CNIH4: variants seen among roughly 807,000 people sequenced by gnomAD.
CNIH4 encodes cornichon family member 4.
CNIH4 carries 9 observed loss-of-function variants against 21.5 expected under a neutral mutation model. The ratio of observed to expected loss-of-function variants is 0.42; its 90% confidence interval spans 0.25 to 0.73. The LOEUF (loss-of-function observed/expected upper bound fraction) is 0.73. Among genes scored for constraint, CNIH4 ranks in the 30% least tolerant of loss-of-function variants. CNIH4 has a pLI of 0.27. For missense variants in CNIH4, 159 were observed against 170.0 expected (o/e 0.94, Z 0.36); for synonymous variants, 67 against 59.1 (o/e 1.13, Z -0.61).
chr1:224,363,785 A>G lies in CNIH4; in HGVS notation c.139-2094A>G, dbSNP rs143958667. 3.3e-4 allele frequency among the ~76,000 whole-genome samples: 51 copies of G among 152,316 alleles called. No homozygotes were observed. In the East Asian group the frequency reaches 5.8e-3, roughly 17 times the overall value. On this transcript the variant is annotated intron_variant, in intron 2 of 4. Coordinates refer to ENST00000465271, the MANE Select transcript of CNIH4 (RefSeq NM_014184.4). ...TATTCATATTTAAGGGTAAAGCACTAAAATGCTCATTGAAAGCTCTTTGGA... is the reference window on the plus strand; with the variant it reads ...TATTCATATTTAAGGGTAAAGCACTGAAATGCTCATTGAAAGCTCTTTGGA...
At chr1:224,364,235 CAA>C (rs35870517) in intron 2 of CNIH4, 752,054 of 984,082 alleles carry the variant, frequency 0.76, 291,853 homozygotes, top group East Asian at 0.99. Context: ...AAAAATAAAA[CAA>C]GAGGAAAAAA....
chr1:224,360,272 G>A (rs1400216909), intron 1 of CNIH4, among the ~76,000 whole-genome samples: 3 of 151,550 alleles, frequency 2.0e-5, no homozygotes, highest in Non-Finnish European at 4.4e-5. Flanking sequence ...TAAATGTTCT[G>A]GTTGGGTCAG....
intron 3 of CNIH4, 56 bp downstream of exon 3, chr1:224,366,047 T>C (rs774037868): frequency 9.5e-6 from 11 of 1,152,324 alleles, no homozygotes; most frequent in Non-Finnish European, 1.4e-5. Flanking sequence ...ATTTAAAAAG[T>C]TGTGTTTTTT....
At chr1:224,367,517 G>T (rs1055453915) in intron 3 of CNIH4, among the ~76,000 whole-genome samples, 1 of 151,580 alleles carries the variant, frequency 6.6e-6, no homozygotes, top group African/African-American at 2.4e-5. Context: ...CTGAACATGG[G>T]TTCTGAATTT....
At chr1:224,364,048 GT>G in intron 2 of CNIH4, 1 of 985,392 alleles carries the variant, frequency 1.0e-6, no homozygotes. Context: ...AGAGGACTTG[GT>G]TGAAAGTCAG....
At chr1:224,371,201 A>G in intron 3 of CNIH4, 82 bp from the exon 4 acceptor site, 1 of 1,437,930 alleles carries the variant, frequency 7.0e-7, no homozygotes, top group South Asian at 1.3e-5. Context: ...TTAAAAGTCG[A>G]TTATTATTGG....
chr1:224,373,334 C>T (rs1175539965), intron 4 of CNIH4, among the ~76,000 whole-genome samples: 2 of 152,204 alleles, frequency 1.3e-5, no homozygotes, highest in Admixed American at 6.5e-5. Flanking sequence ...ATCCTTTCTT[C>T]ATCCTCCCCA....
At chr1:224,357,191 T>A in intron 1 of CNIH4, 198 bp downstream of exon 1, 1 of 592,938 alleles carries the variant, frequency 1.7e-6, no homozygotes, top group Non-Finnish European at 2.9e-6. Flanking sequence ...CGACGGGCCC[T>A]GCTGCCCTGC....
rs1672849590 is a variant in CNIH4 at position 224,379,001 on chromosome 1, A to G, written c.*3179A>G. 7 of 1,483,480 alleles carry G rather than the reference A, an allele frequency of 4.7e-6. No individual in the cohort carries two copies. The highest frequency in any genetic ancestry group is 5.5e-6 in the Non-Finnish European group (6 of 1,085,926). The allele number at this position is 1,483,480 out of a possible 1,614,324, so 91.9% of individuals were successfully genotyped here. ...CCCAGGGCCCGGTCCATAGACTACT[A>G]TCGAGTGCTCCTATGTGCATCTTAG... On this transcript the variant is annotated 3_prime_UTR_variant, in exon 5 of 5. Coordinates refer to ENST00000465271, the MANE Select transcript of CNIH4 (RefSeq NM_014184.4).
chr1:224,372,681 C>T (rs1003875997), intron 4 of CNIH4, among the ~76,000 whole-genome samples: 1 of 151,918 alleles, frequency 6.6e-6, no homozygotes, highest in Non-Finnish European at 1.5e-5. Flanking sequence ...CTCCCAGGTT[C>T]AAGCGATTCT....
At chr1:224,372,390 A>C (rs1431324223) in intron 4 of CNIH4, among the ~76,000 whole-genome samples, 1 of 152,240 alleles carries the variant, frequency 6.6e-6, no homozygotes, top group East Asian at 1.9e-4. Flanking sequence ...TTGAAAAGCT[A>C]GAAGTCAGGC....
In CNIH4 at chr1:224,371,329, G is replaced by GA. The variant is rs1279692809; in HGVS notation, c.301dup (p.Ile101AsnfsTer31). On this transcript the variant is annotated frameshift_variant, in exon 4 of 5. Transcript: ENST00000465271. LOFTEE classifies it high-confidence loss of function. Reference sequence around the variant, plus strand: ...TAACATGGGAGTGTTTGATCCAACAGAAATACACAATCGAGGGCAGCTGAA... The same window carrying GA: ...TAACATGGGAGTGTTTGATCCAACAGAAAATACACAATCGAGGGCAGCTGAA... 1 of 1,614,078 alleles carries GA rather than the reference G, an allele frequency of 6.2e-7. No individual in the cohort carries two copies. Among genetic ancestry groups the GA allele is most frequent in the Non-Finnish European group, 8.5e-7 (1 of 1,180,006 alleles).
intron 4 of CNIH4, among the ~76,000 whole-genome samples, chr1:224,373,025 T>G (rs1184281162): frequency 1.3e-5 from 2 of 152,154 alleles, no homozygotes; most frequent in African/African-American, 4.8e-5. Flanking sequence ...AAATTGGAGT[T>G]TAGATAGTTT....
chr1:224,374,258 A>C (rs981578943), intron 4 of CNIH4, among the ~76,000 whole-genome samples: 2 of 152,190 alleles, frequency 1.3e-5, no homozygotes, highest in African/African-American at 2.4e-5. Context: ...CCTAGTTGAC[A>C]TTTCAGGACT....
In CNIH4 at chr1:224,372,099, C is replaced by G. The variant is rs369437300; in HGVS notation, c.392+676C>G. Among the ~76,000 whole-genome samples the G allele has an allele frequency of 2.2e-4, 34 of 152,302 alleles. No homozygotes were observed. The South Asian group carries it at 6.4e-3, about 29-fold the overall frequency. On this transcript the variant is annotated intron_variant, in intron 4 of 4. Transcript: ENST00000465271. ...CAACTTTTATCCAAATTGTGCTGAT[C>G]TTTCTTGGCAATAAGTAATTTAGGT...
intron 3 of CNIH4, among the ~76,000 whole-genome samples, chr1:224,368,491 A>G (rs984741425): frequency 1.3e-5 from 2 of 152,232 alleles, no homozygotes; most frequent in African/African-American, 4.8e-5. Flanking sequence ...AAATCAACAG[A>G]TAGATTATTT....
intron 4 of CNIH4, among the ~76,000 whole-genome samples, chr1:224,372,542 A>G (rs1201629085): frequency 6.6e-6 from 1 of 152,040 alleles, no homozygotes; most frequent in Non-Finnish European, 1.5e-5. Context: ...TCTTGATTAG[A>G]AACTGTATAG....
chr1:224,373,722 G>C (rs1171927290), intron 4 of CNIH4, among the ~76,000 whole-genome samples: 1 of 152,096 alleles, frequency 6.6e-6, no homozygotes, highest in Non-Finnish European at 1.5e-5. Context: ...CAGCTACTCG[G>C]GAGGCTGAGG....
In CNIH4 at chr1:224,376,886, T is replaced by C. The variant is rs935350453; in HGVS notation, c.*1064T>C. 3.5e-5 allele frequency: 34 copies of C among 985,304 alleles called. No homozygotes were observed. Among genetic ancestry groups the C allele is most frequent in the Non-Finnish European group, 4.1e-5 (34 of 829,938 alleles). The allele number at this position is 985,304 out of a possible 1,614,324, so 61.0% of individuals were successfully genotyped here. A position where few individuals can be genotyped will look rare whatever the true frequency, so the allele number is the denominator to read the frequency against. On this transcript the variant is annotated 3_prime_UTR_variant, in exon 5 of 5. Transcript: ENST00000465271. ...AATAAACCTGGCAATTTATCCTCAG[T>C]CCTAGTTTGTGGTTTAATGTTGCTA...
Sources: gnomAD v4.1 joint callset for allele counts (sites outside exome capture counted in the v4.1 genomes callset) on GRCh38, gnomAD v4.1.1 for gene constraint, MANE v1.5 for transcripts, NCBI Gene and HGNC (gene_info 2026-07-23, HGNC 2026-07-21) for gene names.